The following TAF1 variants were observed in gnomAD, a reference collection of about 807,000 sequenced individuals.
TAF1 encodes the protein TATA-box binding protein associated factor 1.
Under a neutral mutation model 138.5 loss-of-function variants are expected in TAF1, and 2 were observed. The observed-to-expected ratio is 0.01, with a 90% CI of 0.01 to 0.05. The LOEUF is 0.05. TAF1 is among the 10% of genes least tolerant of loss of function. The pLI, the probability that TAF1 is intolerant of heterozygous loss-of-function variation, is 1.00. For synonymous variants in TAF1, 437 were observed against 503.2 expected, an observed-to-expected ratio of 0.87 and a Z score of 1.76; for missense variants, 709 against 1,478.0, an observed-to-expected ratio of 0.48 and a Z score of 8.53.
At chrX:71,504,741 C>CAAAAAAAAAA (rs41370846) in intron 13 of TAF1, among the ~76,000 whole-genome samples, 4 of 5,704 alleles carry the variant, frequency 7.0e-4, no homozygotes, top group Non-Finnish European at 7.0e-4. Flanking sequence ...GACCCTGTCT[C>CAAAAAAAAAA]AAAAAAAAAA....
intron 13 of TAF1, chrX:71,528,177 A>G (rs963886638): frequency 2.4e-5 from 5 of 210,830 alleles, no homozygotes; most frequent in Non-Finnish European, 4.4e-5. Context: ...GATAACAGTC[A>G]TTATGGCTAT....
intron 32 of TAF1, among the ~76,000 whole-genome samples, chrX:71,451,418 T>C (rs750168088): frequency 2.7e-5 from 3 of 112,100 alleles, no homozygotes; most frequent in Non-Finnish European, 5.6e-5. Flanking sequence ...TTGATAATAT[T>C]AAATAATTAT....
At chrX:71,489,675 T>C (rs1229654451) in intron 13 of TAF1, among the ~76,000 whole-genome samples, 69 of 99,959 alleles carry the variant, frequency 6.9e-4, no homozygotes, top group African/African-American at 2.6e-3. Context: ...AAACTCCGTT[T>C]CAAAAAAAAA....
At chrX:71,400,327 G>T (rs1247908391) in intron 24 of TAF1, among the ~76,000 whole-genome samples, 1 of 111,588 alleles carries the variant, frequency 9.0e-6, no homozygotes, top group Non-Finnish European at 1.9e-5. Flanking sequence ...CTGGCTTCAA[G>T]TGATCCTCCC....
At chrX:71,503,277 A>AAAAATATATATATATATGTGTATAT (rs1569408229) in intron 13 of TAF1, among the ~76,000 whole-genome samples, 6 of 90,169 alleles carry the variant, frequency 6.7e-5, no homozygotes, top group African/African-American at 2.3e-4. Context: ...TCAAAAAAAA[A>AAAAATATATATATATATGTGTATAT]ATATATATAT....
rs2033210905 is a variant in TAF1, at chrX:71,373,168, T to C, written c.353-1999T>C. On this transcript the variant is annotated intron_variant, in intron 3 of 37. Transcript: ENST00000423759. ...GGCGTGAGCCTCTGTGCCTGGCCAC[T>C]TTTTTTTTTTTTTTTTTGAGACAGA... is the stretch of plus-strand genomic sequence containing the variant. Among the ~76,000 whole-genome samples, 3 of 88,143 alleles carry C rather than the reference T, an allele frequency of 3.4e-5. No individual in the cohort carries two copies. In the South Asian group the frequency reaches 1.6e-3, roughly 48 times the overall value. 76.5% of individuals were successfully genotyped at this position (88,143 alleles called of 115,157 possible).
intron 13 of TAF1, among the ~76,000 whole-genome samples, chrX:71,487,973 T>C: frequency 8.9e-6 from 1 of 112,265 alleles, no homozygotes. Context: ...AGTTAAGTTA[T>C]TTGGAAACAG....
chrX:71,529,936 G>A (rs2040072680), exon 15 of TAF1: 2 of 235,713 alleles, frequency 8.5e-6, no homozygotes, highest in Non-Finnish European at 1.6e-5. Flanking sequence ...ATCCTCATCT[G>A]GCAGAACTCC....
intron 28 of TAF1, 83 bp from the exon 29 acceptor site, chrX:71,421,226 T>A: frequency 1.2e-6 from 1 of 865,035 alleles, no homozygotes; most frequent in Non-Finnish European, 1.7e-6. Context: ...GGTTCTTAAG[T>A]AAGTGCATTA....
chrX:71,381,724 C>T lies in TAF1; in HGVS notation c.1361-19C>T. On this transcript the variant is annotated intron_variant, in intron 8 of 37. Coordinates refer to ENST00000423759, the MANE Select transcript of TAF1 (RefSeq NM_004606.5). ...TAAATGTTTTCTCTGTTACTATTTC[C>T]TCCTTGCACTTTGACTAGGTTTTGC... 1 of 1,202,167 alleles carries T rather than the reference C, an allele frequency of 8.3e-7. No individual in the cohort carries two copies. The highest frequency in any genetic ancestry group is 1.8e-5 in the South Asian group (1 of 55,363).
chrX:71,515,296 A>G, intron 13 of TAF1, among the ~76,000 whole-genome samples: 1 of 111,163 alleles, frequency 9.0e-6, no homozygotes, highest in Non-Finnish European at 1.9e-5. Context: ...GAGGCCTGGT[A>G]GGTTTTTCCG....
At chrX:71,528,725 GGTGA>G (rs1417862473) in intron 14 of TAF1, 1 of 326,959 alleles carries the variant, frequency 3.1e-6, no homozygotes, top group African/African-American at 2.7e-5. Context: ...GGACCTTCGC[GGTGA>G]GTGTTACAGC....
At chrX:71,418,860 C>T (rs1158510138) in intron 28 of TAF1, among the ~76,000 whole-genome samples, 3 of 108,051 alleles carry the variant, frequency 2.8e-5, no homozygotes, top group South Asian at 4.0e-4. Flanking sequence ...CTCCACCTCC[C>T]GGGTTCAAGT....
At chrX:71,503,982 C>T (rs2039571050) in intron 13 of TAF1, among the ~76,000 whole-genome samples, 1 of 111,312 alleles carries the variant, frequency 9.0e-6, no homozygotes, top group Non-Finnish European at 1.9e-5. Flanking sequence ...TGATTGAAGT[C>T]CACAGCCATT....
intron 32 of TAF1, chrX:71,441,553 T>C: frequency 4.9e-6 from 1 of 202,935 alleles, no homozygotes; most frequent in Non-Finnish European, 9.2e-6. Context: ...GTTTATCATT[T>C]TTTTGTGTTG....
chrX:71,403,090 A>G (rs1602554829), intron 25 of TAF1, among the ~76,000 whole-genome samples: 1 of 109,448 alleles, frequency 9.1e-6, no homozygotes. Context: ...GTGCAGGGGC[A>G]TGATCTCAGC....
intron 1 of TAF1, among the ~76,000 whole-genome samples, chrX:71,367,017 TC>T (rs2032573484): frequency 8.9e-6 from 1 of 112,011 alleles, no homozygotes; most frequent in Admixed American, 9.5e-5. Context: ...TCACTGACTT[TC>T]GTGAAATAGT....
chrX:71,459,995 T>G (rs965309426), intron 36 of TAF1, among the ~76,000 whole-genome samples: 1 of 112,171 alleles, frequency 8.9e-6, no homozygotes, highest in African/African-American at 3.2e-5. Flanking sequence ...TCCCAGCACT[T>G]TGGGAAGCCA....
At chrX:71,427,349 T>G (rs1231384554) in intron 32 of TAF1, among the ~76,000 whole-genome samples, 1 of 111,832 alleles carries the variant, frequency 8.9e-6, no homozygotes, top group African/African-American at 3.3e-5. Flanking sequence ...TATTGTTTTA[T>G]GAAAACACCT....
Sources: gnomAD v4.1 joint callset for allele counts (sites outside exome capture counted in the v4.1 genomes callset) on GRCh38, gnomAD v4.1.1 for gene constraint, MANE v1.5 for transcripts, NCBI Gene and HGNC (gene_info 2026-07-23, HGNC 2026-07-21) for gene names.